The following SMTNL2 variants were observed in gnomAD, a reference collection of about 807,000 sequenced individuals.
The protein encoded by SMTNL2 is smoothelin-like protein 2.
A neutral mutation model predicts 44.1 loss-of-function variants in SMTNL2; 43 were observed. The observed-to-expected ratio is 0.98, with a 90% confidence interval of 0.76 to 1.26. The LOEUF (loss-of-function observed/expected upper bound fraction) is 1.26. SMTNL2 is among the 50% of genes most tolerant of loss of function. SMTNL2 has a pLI of 0.00. For synonymous variants in SMTNL2, 317 were observed against 287.6 expected, an observed-to-expected ratio of 1.10 and a Z score of -1.03; for missense variants, 646 against 670.2, an observed-to-expected ratio of 0.96 and a Z score of 0.40.
At position 4,597,174 on chromosome 17, in the gene SMTNL2, C is replaced by A. The variant is rs201831133; in HGVS notation, c.1110C>A (p.His370Gln). 2 of 1,613,154 alleles carry A rather than the reference C, an allele frequency of 1.2e-6. No individual in the cohort carries two copies. Among genetic ancestry groups the A allele is most frequent in the Admixed American group, 3.3e-5 (2 of 59,984 alleles). Residue 370 changes from histidine to glutamine, a missense_variant and splice_region_variant, in exon 7 of 8, where the codon CAC becomes CAA. Transcript: ENST00000389313. ...TGACCCCACTCACCCTGTTGCAGCA[C>A]GTGGACCTGCAGAACTTCTCCTCCA... ...WCRSKTLGYQ[H>Q]VDLQNFSSSW...
rs1405137256 is a variant in SMTNL2, at chr17:4,596,878, G to T, written c.1008G>T (p.Arg336=). 4.7e-6 allele frequency: 7 copies of T among 1,497,366 alleles called. No individual in the cohort carries two copies. The South Asian group carries it at 8.8e-5, about 19-fold the overall frequency. 92.8% of individuals were successfully genotyped at this position (1,497,366 alleles called of 1,614,324 possible). A position where few individuals can be genotyped will look rare whatever the true frequency, so the allele number is the denominator to read the frequency against. Residue 336 remains arginine (R), a synonymous_variant, in exon 6 of 8, where the codon CGG becomes CGT. Coordinates refer to ENST00000389313, the MANE Select transcript of SMTNL2 (RefSeq NM_001114974.2). ...TAAGKGKGEA[R]ARLKRSQSFG... ...TCCGCAGGGGGAAAGGCGAGGCCCG[G>T]GCCAGGCTGAAGCGGTCGCAGAGCT...
Position 4,595,339 on chromosome 17 carries a change from C to G in SMTNL2, c.989+12C>G, listed in dbSNP as rs1471052842. 6.2e-7 allele frequency: 1 copy of G among 1,609,786 alleles called. No individual in the cohort carries two copies. The highest frequency in any genetic ancestry group is 1.3e-5 in the African/African-American group (1 of 74,900). The stretch of plus-strand genomic sequence containing the variant: ...ACGGCGGCCGGCAAGTACGGATGCC[C>G]ACTCACAGACAGGCCCGGCCCCACG... On this transcript the variant is annotated intron_variant, in intron 5 of 7. Transcript: ENST00000389313. This position sits in a 1 kb window ranked among gnomAD's most constrained non-coding sequence, Gnocchi z 5.1.
chr17:4,591,997 G>C (rs749080327), intron 1 of SMTNL2, among the ~76,000 whole-genome samples: 16 of 152,236 alleles, frequency 1.1e-4, no homozygotes, highest in Non-Finnish European at 1.9e-4. Flanking sequence ...ACCTGGCCCA[G>C]CTGAGAGGGG....
At chr17:4,606,894 G>T (rs546954135) in intron 7 of SMTNL2, among the ~76,000 whole-genome samples, 1 of 152,004 alleles carries the variant, frequency 6.6e-6, no homozygotes, top group African/African-American at 2.4e-5. Flanking sequence ...TGGGCAACAA[G>T]AGCAAAACTC....
At chr17:4,597,420 C>G in intron 7 of SMTNL2, 97 bp downstream of exon 7, 1 of 1,520,588 alleles carries the variant, frequency 6.6e-7, no homozygotes, top group Non-Finnish European at 8.9e-7. Flanking sequence ...GGATGTCGGG[C>G]CGCTGTCTGC....
intron 7 of SMTNL2, among the ~76,000 whole-genome samples, chr17:4,604,399 G>A (rs1318239490): frequency 6.6e-6 from 1 of 152,208 alleles, no homozygotes; most frequent in Non-Finnish European, 1.5e-5. Flanking sequence ...TTGACATTTG[G>A]TTTCTGGTAG....
intron 4 of SMTNL2, among the ~76,000 whole-genome samples, chr17:4,594,269 C>G (rs1909708205): frequency 6.6e-6 from 1 of 151,900 alleles, no homozygotes. Context: ...GCCAACATGG[C>G]AAAACGCTGT....
Position 4,592,813 on chromosome 17 carries a change from G to A in SMTNL2, c.488-116G>A, listed in dbSNP as rs1909634086. On this transcript the variant is annotated intron_variant, in intron 2 of 7. Transcript: ENST00000389313. The surrounding 1 kb of genome is among the most constrained non-coding windows in gnomAD (Gnocchi z 4.5). ...TCAGAGAGGCTGGAGCAGTCAGGGA[G>A]GCCTTCCTAGAGGAGGTGGGAGGAG... is the stretch of plus-strand genomic sequence containing the variant. 7.1e-7 allele frequency: 1 copy of A among 1,399,150 alleles called. No individual in the cohort carries two copies. Among genetic ancestry groups the A allele is most frequent in the Non-Finnish European group, 9.6e-7 (1 of 1,039,212 alleles). 86.7% of individuals were successfully genotyped at this position (1,399,150 alleles called of 1,614,324 possible).
chr17:4,607,325 T>C lies in SMTNL2; in HGVS notation c.1260-36T>C. The C allele has an allele frequency of 6.2e-7, 1 of 1,611,596 alleles. No individual in the cohort carries two copies. Among genetic ancestry groups the C allele is most frequent in the South Asian group, 1.1e-5 (1 of 90,996 alleles). On this transcript the variant is annotated intron_variant, in intron 7 of 7. Transcript: ENST00000389313. The surrounding 1 kb of genome is among the most constrained non-coding windows in gnomAD (Gnocchi z 4.7). ...CGCGGCTGTGGGGCTGGCTGATGGC[T>C]GGGACCACCGTTCTGACGGGGCTTG... is the stretch of plus-strand genomic sequence containing the variant.
chr17:4,586,252 G>T (rs1382047908), intron 1 of SMTNL2, among the ~76,000 whole-genome samples: 1 of 152,166 alleles, frequency 6.6e-6, no homozygotes, highest in Non-Finnish European at 1.5e-5. Context: ...AGCAGAACCC[G>T]GGAGTGTCCC....
chr17:4,599,127 C>T (rs1000267080), intron 7 of SMTNL2, among the ~76,000 whole-genome samples: 2 of 152,252 alleles, frequency 1.3e-5, no homozygotes, highest in African/African-American at 4.8e-5. Flanking sequence ...GCTCCTTAGC[C>T]TGAGTTTTTG....
intron 7 of SMTNL2, among the ~76,000 whole-genome samples, chr17:4,599,230 C>G (rs1284281900): frequency 6.6e-6 from 1 of 152,162 alleles, no homozygotes. Flanking sequence ...ACTTTAAAAG[C>G]CTTTCTGTCT....
At chr17:4,603,010 G>T (rs1448109310) in intron 7 of SMTNL2, among the ~76,000 whole-genome samples, 2 of 152,244 alleles carry the variant, frequency 1.3e-5, no homozygotes, top group African/African-American at 4.8e-5. Context: ...CTGGACAGCG[G>T]AGGATGACAC....
At chr17:4,594,950 G>T in intron 4 of SMTNL2, 195 bp from the exon 5 acceptor site, 2 of 699,410 alleles carry the variant, frequency 2.9e-6, no homozygotes, top group Non-Finnish European at 4.7e-6. Context: ...TGAGCCTATT[G>T]GCCAGTCCCT....
chr17:4,584,937 G>A lies in SMTNL2; in HGVS notation c.332G>A (p.Arg111His). 7.5e-7 allele frequency: 1 copy of A among 1,324,850 alleles called. No individual in the cohort carries two copies. Among genetic ancestry groups the A allele is most frequent in the South Asian group, 2.0e-5 (1 of 49,908 alleles). 82.1% of individuals were successfully genotyped at this position (1,324,850 alleles called of 1,614,324 possible). ...SPPPAPGVPD[R>H]APRLGSARFA... ...CCGCCCGCGCCCGGGGTTCCCGACC[G>A]CGCGCCCCGCCTGGGCAGCGCACGC... is the stretch of plus-strand genomic sequence containing the variant. Residue 111 changes from arginine to histidine, a missense_variant, in exon 1 of 8, where the codon CGC (arginine) becomes CAC (histidine). Coordinates refer to ENST00000389313, the MANE Select transcript of SMTNL2 (RefSeq NM_001114974.2).
At position 4,592,311 on chromosome 17, in the gene SMTNL2, G is replaced by A. The variant is rs1394811180; in HGVS notation, c.400-50G>A. The A allele has an allele frequency of 6.3e-7, 1 of 1,582,734 alleles. No individual in the cohort carries two copies. Among genetic ancestry groups the A allele is most frequent in the Admixed American group, 1.7e-5 (1 of 59,888 alleles). On this transcript the variant is annotated intron_variant, in intron 1 of 7. Transcript: ENST00000389313. This position sits in a 1 kb window ranked among gnomAD's most constrained non-coding sequence, Gnocchi z 4.5. Reference sequence around the variant, plus strand: ...TGGGGGTGGGCAGCTTTTGGGGGTGGGCAGCTGGCCCTAGCTGATGGGGTC... The same window carrying A: ...TGGGGGTGGGCAGCTTTTGGGGGTGAGCAGCTGGCCCTAGCTGATGGGGTC...
chr17:4,606,530 G>A (rs1223766034), intron 7 of SMTNL2, among the ~76,000 whole-genome samples: 6 of 152,092 alleles, frequency 3.9e-5, no homozygotes, highest in Non-Finnish European at 5.9e-5. Flanking sequence ...AGGAGGCTGA[G>A]GTGGGAAGAT....
rs1417058826 is a variant in SMTNL2 at position 4,584,708 on chromosome 17, A to T, written c.103A>T (p.Met35Leu). ...TGCGGTGCGCGCGCTGCACGAGGAC[A>T]TGCGGGGGCTGCAGCGCGGCGTGGA... ...EGAVRALHED[M>L]RGLQRGVERR... Residue 35 changes from methionine to leucine, a missense_variant, in exon 1 of 8, where the codon ATG becomes TTG. By Grantham distance (15) the Met-to-Leu change is conservative (BLOSUM62 2). Coordinates refer to ENST00000389313, the MANE Select transcript of SMTNL2 (RefSeq NM_001114974.2). 43 of 1,298,236 alleles carry T rather than the reference A, an allele frequency of 3.3e-5. No individual in the cohort carries two copies. Among genetic ancestry groups the T allele is most frequent in the Non-Finnish European group, 4.2e-5 (43 of 1,027,370 alleles). 80.4% of individuals were successfully genotyped at this position (1,298,236 alleles called of 1,614,324 possible).
intron 3 of SMTNL2, 110 bp from the exon 4 acceptor site, chr17:4,593,712 C>T: frequency 2.8e-6 from 3 of 1,078,940 alleles, no homozygotes; most frequent in Non-Finnish European, 1.4e-6. Context: ...TTAGCTCATC[C>T]ATGCAGCGAT....
Sources: gnomAD v4.1 joint callset for allele counts (sites outside exome capture counted in the v4.1 genomes callset) on GRCh38, gnomAD v4.1.1 for gene constraint, Gnocchi (gnomAD v3.1) non-coding constraint, MANE v1.5 for transcripts, NCBI Gene and HGNC (gene_info 2026-07-23, HGNC 2026-07-21) for gene names.